The following KIF26B variants were observed in gnomAD, a reference collection of about 807,000 sequenced individuals.
The protein encoded by KIF26B is kinesin-like protein KIF26B.
In KIF26B, 63 loss-of-function variants were observed where a neutral mutation model predicts 151.2. That is an observed-to-expected ratio of 0.42 (90% CI 0.34 to 0.51). The LOEUF is 0.51. KIF26B is among the 20% of genes least tolerant of loss of function. The pLI is 0.07. For synonymous variants in KIF26B, 1,357 were observed against 1,262.1 expected (o/e 1.08, Z -1.59); for missense variants, 2,813 against 2,913.6 (o/e 0.97, Z 0.79).
intron 2 of KIF26B, among the ~76,000 whole-genome samples, chr1:245,265,343 C>A (rs1033819316): frequency 6.6e-6 from 1 of 151,784 alleles, no homozygotes; most frequent in Admixed American, 6.6e-5. Context: ...TAGACTTCTA[C>A]GTAAGGAAAC....
chr1:245,438,908 G>A (rs1190950749), intron 4 of KIF26B, among the ~76,000 whole-genome samples: 1 of 152,160 alleles, frequency 6.6e-6, no homozygotes, highest in Non-Finnish European at 1.5e-5. Flanking sequence ...TGGGAGGGAG[G>A]AACCGATTAC....
intron 3 of KIF26B, among the ~76,000 whole-genome samples, chr1:245,379,980 A>C (rs1025913350): frequency 6.6e-6 from 1 of 151,580 alleles, no homozygotes; most frequent in Non-Finnish European, 1.5e-5. Flanking sequence ...CAAAAAAAAA[A>C]AAAAAAAGTC....
rs187753418 is a variant in KIF26B at position 245,537,644 on chromosome 1, A to G, written c.1167-3123A>G. Among the ~76,000 whole-genome samples the G allele has an allele frequency of 1.8e-4, 28 of 152,292 alleles. No homozygotes were observed. The East Asian group carries it at 4.8e-3, about 26-fold the overall frequency. On this transcript the variant is annotated intron_variant, in intron 4 of 14. Transcript: ENST00000407071. ...AAGTTTTAGCCAACAAAACTTCCTG[A>G]TGGATTATGTGTGAGAAGAAGACAG... is the stretch of plus-strand genomic sequence containing the variant.
chr1:245,614,244 G>A (rs190831907), intron 9 of KIF26B, among the ~76,000 whole-genome samples: 38 of 152,160 alleles, frequency 2.5e-4, no homozygotes, highest in African/African-American at 4.3e-4. Context: ...GCGTGATCTC[G>A]GCTCACTGCA....
chr1:245,401,416 TG>T (rs1673997991), intron 3 of KIF26B, among the ~76,000 whole-genome samples: 1 of 152,238 alleles, frequency 6.6e-6, no homozygotes. Context: ...GGGTGTAACT[TG>T]CTGGATATTA....
At chr1:245,328,990 T>G (rs1330691295) in intron 2 of KIF26B, among the ~76,000 whole-genome samples, 6 of 152,258 alleles carry the variant, frequency 3.9e-5, no homozygotes, top group Non-Finnish European at 1.5e-5. Flanking sequence ...TCTCTAATTT[T>G]CTGTCATTTT....
Position 245,508,457 on chromosome 1 carries a change from G to C in KIF26B, c.1167-32310G>C, listed in dbSNP as rs201755256. ...GGGTTTCACCGTGTTAGCCAGGATGGTCTCGATCTCCTTACCTCGTGATCC... is the reference window on the plus strand; with the variant it reads ...GGGTTTCACCGTGTTAGCCAGGATGCTCTCGATCTCCTTACCTCGTGATCC... On this transcript the variant is annotated intron_variant, in intron 4 of 14. Transcript: ENST00000407071. Among the ~76,000 whole-genome samples, 247 of 152,126 alleles carry C rather than the reference G, an allele frequency of 1.6e-3. 1 individual carries two copies. The highest frequency in any genetic ancestry group is 0.014 in the Middle Eastern group (4 of 294).
At chr1:245,573,684 G>GA (rs899913559) in intron 5 of KIF26B, among the ~76,000 whole-genome samples, 6 of 148,780 alleles carry the variant, frequency 4.0e-5, no homozygotes, top group African/African-American at 7.5e-5. Flanking sequence ...ACTGGCCAAG[G>GA]AAAAAAAAAG....
intron 10 of KIF26B, among the ~76,000 whole-genome samples, chr1:245,680,981 C>T (rs2044428442): frequency 6.6e-6 from 1 of 152,102 alleles, no homozygotes. Context: ...AAGAATGGTG[C>T]TGATGTCCTA....
intron 4 of KIF26B, among the ~76,000 whole-genome samples, chr1:245,445,740 G>A (rs1659236287): frequency 1.3e-5 from 2 of 152,156 alleles, no homozygotes; most frequent in Admixed American, 1.3e-4. Context: ...GTGTCCATAA[G>A]CCCCTGCCAC....
chr1:245,332,140 G>A (rs1672126935), intron 2 of KIF26B, among the ~76,000 whole-genome samples: 1 of 151,952 alleles, frequency 6.6e-6, no homozygotes, highest in Non-Finnish European at 1.5e-5. Context: ...TAAATAAATA[G>A]CAATAAAAAA....
chr1:245,514,565 A>T (rs1332198619), intron 4 of KIF26B, among the ~76,000 whole-genome samples: 1 of 152,036 alleles, frequency 6.6e-6, no homozygotes, highest in Non-Finnish European at 1.5e-5. Context: ...AATAAAAAAT[A>T]GACATTTATA....
chr1:245,420,335 C>G (rs1658454358), intron 4 of KIF26B, among the ~76,000 whole-genome samples: 1 of 152,186 alleles, frequency 6.6e-6, no homozygotes, highest in African/African-American at 2.4e-5. Context: ...ATTTTAGCAA[C>G]ATGGCAGAGA....
intron 10 of KIF26B, among the ~76,000 whole-genome samples, chr1:245,651,497 C>T (rs1052850639): frequency 6.6e-6 from 1 of 151,884 alleles, no homozygotes; most frequent in African/African-American, 2.4e-5. Context: ...TGGGATTAGC[C>T]TCTCCTTTCT....
At chr1:245,524,293 C>T (rs1341892907) in intron 4 of KIF26B, among the ~76,000 whole-genome samples, 1 of 152,180 alleles carries the variant, frequency 6.6e-6, no homozygotes, top group African/African-American at 2.4e-5. Flanking sequence ...ACAACAGACC[C>T]TTGAGGTAGT....
intron 4 of KIF26B, among the ~76,000 whole-genome samples, chr1:245,450,678 G>C (rs4658775): frequency 6.6e-6 from 1 of 152,022 alleles, no homozygotes; most frequent in Non-Finnish European, 1.5e-5. Context: ...GGCGTATTCT[G>C]TGGTAGGATT....
chr1:245,688,888 G>T (rs557700981), intron 12 of KIF26B, 81 bp downstream of exon 12: 17 of 1,451,914 alleles, frequency 1.2e-5, no homozygotes, highest in Admixed American at 1.0e-4. Flanking sequence ...AGGGTGTCCC[G>T]TGCCCTGGGG....
rs763279125 is a variant in KIF26B, at chr1:245,646,328, G to A, written c.2258+48G>A. On this transcript the variant is annotated intron_variant, in intron 10 of 14. Coordinates refer to ENST00000407071, the MANE Select transcript of KIF26B (RefSeq NM_018012.4). ...GAATGTGGTGGGGTAAGCATGGTGT[G>A]GGACGCTTTGTTCAGTGCCATCTGT... The A allele has an allele frequency of 6.3e-6, 10 of 1,590,576 alleles. No homozygotes were observed. In the South Asian group the frequency reaches 1.0e-4, roughly 16 times the overall value.
intron 4 of KIF26B, among the ~76,000 whole-genome samples, chr1:245,449,560 T>G (rs1274237677): frequency 6.6e-6 from 1 of 152,228 alleles, no homozygotes; most frequent in Non-Finnish European, 1.5e-5. Flanking sequence ...GTGGCTGACG[T>G]GTGCGTTTCC....
Sources: allele counts gnomAD v4.1 joint callset (sites outside exome capture counted in the v4.1 genomes callset), GRCh38; gene constraint gnomAD v4.1.1; transcripts MANE v1.5; gene names NCBI Gene and HGNC (gene_info 2026-07-23, HGNC 2026-07-21).